The following ZNF737 variants were observed in gnomAD, a reference collection of about 807,000 sequenced individuals.
ZNF737 encodes zinc finger protein 737.
A neutral mutation model predicts 11.7 loss-of-function variants in ZNF737; 13 were observed. The observed-to-expected ratio is 1.11, with a 90% CI of 0.73 to 1.77. ZNF737 has a LOEUF of 1.77. Among genes scored for constraint, ZNF737 ranks in the 40% most tolerant of loss-of-function variants. The probability of loss-of-function intolerance (pLI) is 0.00; values close to 1 mark genes in which losing one functional copy is unlikely to be tolerated. For missense variants in ZNF737, 636 were observed against 638.0 expected (o/e 1.00, Z 0.03); for synonymous variants, 217 against 216.2 (o/e 1.00, Z -0.03).
chr19:20,553,251 T>G (rs1159092640), intron 2 of ZNF737, among the ~76,000 whole-genome samples: 1 of 152,094 alleles, frequency 6.6e-6, no homozygotes, highest in Admixed American at 6.5e-5. Flanking sequence ...TGAAGAAATT[T>G]TTTTCTTTTC....
chr19:20,539,572 C>G lies in ZNF737; in HGVS notation c.*5020G>C. ...CTTGGTCATGTGAATCTAAAAGAAA[C>G]TATCTACATAACTAATCATGGATTC... On this transcript the variant is annotated 3_prime_UTR_variant, in exon 4 of 4. Coordinates refer to ENST00000427401, the MANE Select transcript of ZNF737 (RefSeq NM_001159293.2). The G allele has an allele frequency of 1.0e-6, 1 of 981,608 alleles. No homozygotes were observed. Among genetic ancestry groups the G allele is most frequent in the Non-Finnish European group, 1.2e-6 (1 of 826,530 alleles). 60.8% of individuals were successfully genotyped at this position (981,608 alleles called of 1,614,324 possible).
intron 3 of ZNF737, among the ~76,000 whole-genome samples, chr19:20,547,397 A>AAC (rs1968495232): frequency 6.6e-6 from 1 of 151,412 alleles, no homozygotes; most frequent in African/African-American, 2.4e-5. Flanking sequence ...AAAAAAAAAA[A>AAC]AAAACACCAC....
downstream of ZNF737, among the ~76,000 whole-genome samples, chr19:20,536,605 C>G (rs189239845): frequency 3.9e-5 from 6 of 151,968 alleles, no homozygotes; most frequent in Non-Finnish European, 8.8e-5. Context: ...GTCAGGAGCT[C>G]GAGACCAGCC....
chr19:20,559,428 T>A (rs1555761878), intron 1 of ZNF737, among the ~76,000 whole-genome samples: 1 of 151,654 alleles, frequency 6.6e-6, no homozygotes, highest in African/African-American at 2.4e-5. Flanking sequence ...CTGAAAAAAA[T>A]GCTCATCGCT....
intron 1 of ZNF737, among the ~76,000 whole-genome samples, chr19:20,557,804 A>G (rs1379509725): frequency 1.3e-5 from 2 of 151,980 alleles, no homozygotes; most frequent in East Asian, 3.9e-4. Context: ...ATTAGTAGAG[A>G]CAGCATTTCA....
rs199763494 is a variant in ZNF737 at position 20,545,301 on chromosome 19, G to GT, written c.901dup (p.Thr301AsnfsTer4). ...TCCGCTATGAATTATCTTATGCGCA[G>GT]TAAGGATAGAGGAGCGCTTAAAGGC... On this transcript the variant is annotated frameshift_variant, in exon 4 of 4. Coordinates refer to ENST00000427401, the MANE Select transcript of ZNF737 (RefSeq NM_001159293.2). LOFTEE classifies it low-confidence loss of function (END_TRUNC). 1.2e-3 allele frequency: 1,933 copies of GT among 1,613,178 alleles called. 25 individuals are homozygous for GT. In the East Asian group the frequency reaches 0.025, roughly 21 times the overall value.
chr19:20,544,230 T>C lies in ZNF737; in HGVS notation c.*362A>G. On this transcript the variant is annotated 3_prime_UTR_variant, in exon 4 of 4. Coordinates refer to ENST00000427401, the MANE Select transcript of ZNF737 (RefSeq NM_001159293.2). ...TTATGTGTAAGAAGGGTTCAGAACT[T>C]CCTAAAAGCGTTGTCACATTCTTTA... 1 of 1,054,676 alleles carries C rather than the reference T, an allele frequency of 9.5e-7. No individual in the cohort carries two copies. Among genetic ancestry groups the C allele is most frequent in the Non-Finnish European group, 1.1e-6 (1 of 874,084 alleles). The allele number at this position is 1,054,676 out of a possible 1,614,324, so 65.3% of individuals were successfully genotyped here.
chr19:20,530,854 C>A (rs1341531064), downstream of ZNF737, among the ~76,000 whole-genome samples: 2 of 148,394 alleles, frequency 1.3e-5, no homozygotes, highest in Non-Finnish European at 3.0e-5. Context: ...GCAATCTCTG[C>A]ACTTTGGGGG....
At position 20,541,810 on chromosome 19, in the gene ZNF737, T is replaced by A. The variant is rs1245186906; in HGVS notation, c.*2782A>T. 6.3e-6 allele frequency: 1 copy of A among 159,562 alleles called. No individual in the cohort carries two copies. Among genetic ancestry groups the A allele is most frequent in the Admixed American group, 6.5e-5 (1 of 15,288 alleles). 9.9% of individuals were successfully genotyped at this position (159,562 alleles called of 1,614,324 possible). On this transcript the variant is annotated 3_prime_UTR_variant, in exon 4 of 4. Transcript: ENST00000427401. ...AACAATTTAATTGTACATTTTAAAA[T>A]GAATAAAAGCATATAATTACACTAT...
At chr19:20,551,999 C>G (rs540582329) in intron 3 of ZNF737, among the ~76,000 whole-genome samples, 1 of 145,876 alleles carries the variant, frequency 6.9e-6, no homozygotes, top group South Asian at 2.1e-4. Flanking sequence ...GGATATCATA[C>G]GTATAATTTC....
chr19:20,537,011 G>A (rs1479081134), downstream of ZNF737, among the ~76,000 whole-genome samples: 1 of 152,024 alleles, frequency 6.6e-6, no homozygotes, highest in Non-Finnish European at 1.5e-5. Flanking sequence ...GCTGAGGCAG[G>A]AGAATCGCTT....
chr19:20,542,207 A>AT lies in ZNF737; in HGVS notation c.*2384dup, dbSNP rs1235726633. On this transcript the variant is annotated 3_prime_UTR_variant, in exon 4 of 4. Transcript: ENST00000427401. ...CTTACCATGGTAAAAATAAAATAAA[A>AT]TTAAGTTCACAAATAATCTAACAAA... 2.0e-6 allele frequency: 2 copies of AT among 983,790 alleles called. No individual in the cohort carries two copies. Among genetic ancestry groups the AT allele is most frequent in the South Asian group, 4.7e-5 (1 of 21,236 alleles). 60.9% of individuals were successfully genotyped at this position (983,790 alleles called of 1,614,324 possible). A position where few individuals can be genotyped will look rare whatever the true frequency, so the allele number is the denominator to read the frequency against.
chr19:20,537,469 T>C (rs1568420682), downstream of ZNF737, among the ~76,000 whole-genome samples: 1 of 135,062 alleles, frequency 7.4e-6, no homozygotes, highest in Non-Finnish European at 1.7e-5. Context: ...CCCAAAATGC[T>C]GACATTACAG....
chr19:20,556,157 CA>C, intron 1 of ZNF737, among the ~76,000 whole-genome samples: 1 of 152,170 alleles, frequency 6.6e-6, no homozygotes, highest in Non-Finnish European at 1.5e-5. Context: ...CTGTCCCTAC[CA>C]AACCCAAACA....
downstream of ZNF737, among the ~76,000 whole-genome samples, chr19:20,530,922 C>T (rs1967810063): frequency 6.7e-6 from 1 of 148,822 alleles, no homozygotes; most frequent in African/African-American, 2.5e-5. Flanking sequence ...CACCACTGCA[C>T]TCCAGCCTGG....
chr19:20,564,263 A>G (rs1969213491), intron 1 of ZNF737: 1 of 152,346 alleles, frequency 6.6e-6, no homozygotes, highest in South Asian at 2.1e-4. Flanking sequence ...TTTAGCATTT[A>G]ACTCAGAACT....
chr19:20,549,268 G>T (rs2099124), intron 3 of ZNF737, among the ~76,000 whole-genome samples: 10,574 of 152,064 alleles, frequency 0.07, 430 homozygotes, highest in East Asian at 0.19. Flanking sequence ...TGTACAAAAA[G>T]AACTGCAAAT....
Position 20,542,233 on chromosome 19 carries a change from C to CTTT in ZNF737, c.*2356_*2358dup. 2 of 779,490 alleles carry CTTT rather than the reference C, an allele frequency of 2.6e-6. No homozygotes were observed. Among genetic ancestry groups the CTTT allele is most frequent in the African/African-American group, 1.9e-5 (1 of 53,462 alleles). The allele number at this position is 779,490 out of a possible 1,614,324, so 48.3% of individuals were successfully genotyped here. On this transcript the variant is annotated 3_prime_UTR_variant, in exon 4 of 4. Transcript: ENST00000427401. ...TTAAGTTCACAAATAATCTAACAAA[C>CTTT]TTTTTTTTTTTTGAGACAGAGTTTT...
chr19:20,536,088 T>G (rs563539884), downstream of ZNF737: 5 of 985,290 alleles, frequency 5.1e-6, no homozygotes, highest in South Asian at 1.4e-4. Context: ...TTATTCAATG[T>G]GGATACAGAT....
Sources: gnomAD v4.1 joint callset for allele counts (sites outside exome capture counted in the v4.1 genomes callset) on GRCh38, gnomAD v4.1.1 for gene constraint, MANE v1.5 for transcripts, NCBI Gene and HGNC (gene_info 2026-07-23, HGNC 2026-07-21) for gene names.